PDZRN4: variants seen among roughly 807,000 people sequenced by gnomAD.
PDZRN4 encodes the protein PDZ domain containing ring finger 4.
Under a neutral mutation model 99.0 loss-of-function variants are expected in PDZRN4, and 70 were observed. The observed-to-expected ratio is 0.71, with a 90% CI of 0.58 to 0.86. PDZRN4 has a LOEUF of 0.86. Among genes scored for constraint, PDZRN4 ranks in the 40% least tolerant of loss-of-function variants. PDZRN4 has a pLI of 0.00. For missense variants in PDZRN4, 1,474 were observed against 1,331.2 expected (o/e 1.11, Z -1.67); for synonymous variants, 551 against 501.6 (o/e 1.10, Z -1.32).
At chr12:41,244,619 C>A (rs916221273) in intron 3 of PDZRN4, among the ~76,000 whole-genome samples, 5 of 151,814 alleles carry the variant, frequency 3.3e-5, no homozygotes, top group African/African-American at 1.2e-4. Flanking sequence ...AGAGTGTTGC[C>A]CATGCCAGGC....
intron 1 of PDZRN4, among the ~76,000 whole-genome samples, chr12:41,189,779 G>A (rs1429603149): frequency 6.6e-6 from 1 of 151,796 alleles, no homozygotes; most frequent in Admixed American, 6.6e-5. Flanking sequence ...TATTGGTGGA[G>A]AGAGAGAGAG....
At chr12:41,316,289 T>A (rs1445502876) in intron 3 of PDZRN4, among the ~76,000 whole-genome samples, 5 of 152,090 alleles carry the variant, frequency 3.3e-5, no homozygotes, top group African/African-American at 1.2e-4. Context: ...AAAGCGTATG[T>A]TAAAATCAAG....
At chr12:41,328,556 C>T (rs1951723836) in intron 3 of PDZRN4, among the ~76,000 whole-genome samples, 1 of 152,030 alleles carries the variant, frequency 6.6e-6, no homozygotes, top group Non-Finnish European at 1.5e-5. Flanking sequence ...GCAGATTTGG[C>T]AGGTTTGTTT....
chr12:41,295,171 C>T, intron 3 of PDZRN4, among the ~76,000 whole-genome samples: 1 of 152,070 alleles, frequency 6.6e-6, no homozygotes, highest in East Asian at 1.9e-4. Flanking sequence ...AATTCAAGAA[C>T]TTCAGAAGTT....
intron 3 of PDZRN4, among the ~76,000 whole-genome samples, chr12:41,350,404 G>A (rs1951881631): frequency 6.6e-6 from 1 of 152,068 alleles, no homozygotes; most frequent in Non-Finnish European, 1.5e-5. Flanking sequence ...CTTGATGAAT[G>A]TCTATAGAAA....
chr12:41,488,451 G>A (rs17579263), intron 3 of PDZRN4, among the ~76,000 whole-genome samples: 12,270 of 152,186 alleles, frequency 0.081, 647 homozygotes, highest in Non-Finnish European at 0.12. Flanking sequence ...ATTGAAACAC[G>A]CTATTTGTTG....
intron 3 of PDZRN4, among the ~76,000 whole-genome samples, chr12:41,429,041 T>G (rs1196778028): frequency 3.9e-5 from 6 of 152,178 alleles, no homozygotes; most frequent in Admixed American, 2.0e-4. Flanking sequence ...AACCATGAGT[T>G]AAGTTTTGCT....
intron 3 of PDZRN4, among the ~76,000 whole-genome samples, chr12:41,501,397 CA>C (rs1938106867): frequency 6.6e-6 from 1 of 152,078 alleles, no homozygotes. Flanking sequence ...CAAAGGGGAA[CA>C]GCTCAAATCC....
chr12:41,233,004 C>T (rs1591978287), intron 3 of PDZRN4, among the ~76,000 whole-genome samples: 2 of 152,034 alleles, frequency 1.3e-5, no homozygotes, highest in South Asian at 4.1e-4. Context: ...TTTCTGAGGG[C>T]TCTGTTCTGT....
intron 3 of PDZRN4, among the ~76,000 whole-genome samples, chr12:41,351,837 G>T (rs572456928): frequency 1.3e-5 from 2 of 151,996 alleles, no homozygotes; most frequent in East Asian, 3.9e-4. Context: ...AGTAGGAGAA[G>T]TATTTTTAAA....
chr12:41,239,144 C>G (rs576428750), intron 3 of PDZRN4, among the ~76,000 whole-genome samples: 1 of 152,104 alleles, frequency 6.6e-6, no homozygotes, highest in Non-Finnish European at 1.5e-5. Context: ...TAAAAAGGAA[C>G]AAGATCATGT....
chr12:41,387,924 G>A (rs1438137812), intron 3 of PDZRN4, among the ~76,000 whole-genome samples: 1 of 152,100 alleles, frequency 6.6e-6, no homozygotes, highest in Admixed American at 6.6e-5. Context: ...TCCCATTACT[G>A]GATATATTCC....
chr12:41,219,914 G>A (rs1043988005), intron 3 of PDZRN4, among the ~76,000 whole-genome samples: 1 of 152,050 alleles, frequency 6.6e-6, no homozygotes, highest in African/African-American at 2.4e-5. Context: ...ACTCTTCTGT[G>A]TCAGTTTGAC....
intron 3 of PDZRN4, among the ~76,000 whole-genome samples, chr12:41,430,830 T>TCA (rs1462314940): frequency 2.6e-5 from 4 of 152,198 alleles, no homozygotes; most frequent in Non-Finnish European, 4.4e-5. Context: ...TTTAATTGGC[T>TCA]CACAGTTGTG....
At chr12:41,477,766 A>C (rs1409055311) in intron 3 of PDZRN4, 2 of 731,702 alleles carry the variant, frequency 2.7e-6, no homozygotes, top group Non-Finnish European at 4.8e-6. Flanking sequence ...CCTAGAATAA[A>C]CATGACATTA....
rs181634467 is a variant in PDZRN4 at position 41,215,766 on chromosome 12, C to G, written c.843+21578C>G. On this transcript the variant is annotated intron_variant, in intron 3 of 9. Coordinates refer to ENST00000402685, the MANE Select transcript of PDZRN4 (RefSeq NM_001164595.2). ...CTCATCCTAATACCAGTTTTCTCCA[C>G]TTTCTCCCATAGTGGTCTAAATTCA... is the stretch of plus-strand genomic sequence containing the variant. Among the ~76,000 whole-genome samples the G allele has an allele frequency of 5.9e-5, 9 of 152,022 alleles. No individual in the cohort carries two copies. In the East Asian group the frequency reaches 1.8e-3, roughly 30 times the overall value.
intron 3 of PDZRN4, among the ~76,000 whole-genome samples, chr12:41,456,877 G>T (rs1219761149): frequency 6.6e-6 from 1 of 152,102 alleles, no homozygotes; most frequent in Non-Finnish European, 1.5e-5. Context: ...TAAAGAAAGG[G>T]CTTAGAGTTA....
intron 3 of PDZRN4, among the ~76,000 whole-genome samples, chr12:41,214,772 A>G (rs375087950): frequency 7.6e-4 from 115 of 152,136 alleles, no homozygotes; most frequent in Admixed American, 2.0e-3. Context: ...TATGACACAG[A>G]TCAAAGCTAC....
At chr12:41,308,285 C>A (rs963873538) in intron 3 of PDZRN4, among the ~76,000 whole-genome samples, 1 of 152,102 alleles carries the variant, frequency 6.6e-6, no homozygotes, top group African/African-American at 2.4e-5. Flanking sequence ...TCACTAGGTA[C>A]AAGACCCAGC....
Sources: gnomAD v4.1 joint callset for allele counts (sites outside exome capture counted in the v4.1 genomes callset) on GRCh38, gnomAD v4.1.1 for gene constraint, MANE v1.5 for transcripts, NCBI Gene and HGNC (gene_info 2026-07-23, HGNC 2026-07-21) for gene names.